The following SULF2 variants were observed in gnomAD, a reference collection of about 807,000 sequenced individuals.
The protein encoded by SULF2 is sulfatase 2.
A neutral mutation model predicts 107.7 loss-of-function variants in SULF2; 52 were observed. The ratio of observed to expected loss-of-function variants is 0.48; its 90% CI spans 0.39 to 0.61. The LOEUF (loss-of-function observed/expected upper bound fraction) is 0.61. Among genes scored for constraint, SULF2 ranks in the 20% least tolerant of loss-of-function variants. The probability of loss-of-function intolerance (pLI) is 0.00; values close to 1 mark genes in which losing one functional copy is unlikely to be tolerated. For synonymous variants in SULF2, 460 were observed against 464.3 expected, an observed-to-expected ratio of 0.99 and a Z score of 0.12; for missense variants, 993 against 1,177.3, an observed-to-expected ratio of 0.84 and a Z score of 2.29.
intron 5 of SULF2, chr20:47,689,918 AT>A: frequency 2.3e-6 from 1 of 428,566 alleles, no homozygotes; most frequent in African/African-American, 2.0e-5. Flanking sequence ...CAAGTTAAAA[AT>A]TCTCCTGCCT....
chr20:47,709,480 T>C (rs1275511204), intron 3 of SULF2, among the ~76,000 whole-genome samples: 1 of 152,166 alleles, frequency 6.6e-6, no homozygotes, highest in Non-Finnish European at 1.5e-5. Context: ...CAACACTTCC[T>C]TATTTAAGTT....
chr20:47,725,427 C>A (rs1283053739), intron 3 of SULF2, among the ~76,000 whole-genome samples: 2 of 152,198 alleles, frequency 1.3e-5, no homozygotes. Flanking sequence ...GTGGGGGCCA[C>A]GTGGACTCTG....
At chr20:47,674,065 T>A (rs1257798470) in intron 10 of SULF2, among the ~76,000 whole-genome samples, 1 of 152,256 alleles carries the variant, frequency 6.6e-6, no homozygotes, top group Admixed American at 6.5e-5. Flanking sequence ...TGTTTTTGTA[T>A]GGCCTGCAAA....
chr20:47,779,236 C>T (rs1250081191), intron 1 of SULF2, among the ~76,000 whole-genome samples: 1 of 152,218 alleles, frequency 6.6e-6, no homozygotes. Flanking sequence ...GGCCTCTACC[C>T]TCTAGATGCC....
intron 3 of SULF2, among the ~76,000 whole-genome samples, chr20:47,728,423 G>T (rs2146737838): frequency 6.6e-6 from 1 of 152,228 alleles, no homozygotes; most frequent in South Asian, 2.1e-4. Flanking sequence ...GAGGAGGAAA[G>T]GCTGAGATGG....
chr20:47,722,114 G>T (rs2089312469), intron 3 of SULF2, among the ~76,000 whole-genome samples: 1 of 152,220 alleles, frequency 6.6e-6, no homozygotes, highest in South Asian at 2.1e-4. Context: ...GGTTCTGACA[G>T]CGTTTGAGCA....
intron 10 of SULF2, among the ~76,000 whole-genome samples, chr20:47,673,358 C>T (rs945857401): frequency 1.3e-5 from 2 of 152,210 alleles, no homozygotes; most frequent in Admixed American, 1.3e-4. Flanking sequence ...CCTCACGCTA[C>T]CCTACGAGGC....
intron 1 of SULF2, among the ~76,000 whole-genome samples, chr20:47,781,476 T>C (rs1399373599): frequency 6.6e-6 from 1 of 152,146 alleles, no homozygotes; most frequent in Non-Finnish European, 1.5e-5. Flanking sequence ...AGTGACTGGT[T>C]TGGACAAAAA....
At chr20:47,736,190 A>G (rs2089725129) in intron 3 of SULF2, among the ~76,000 whole-genome samples, 1 of 152,130 alleles carries the variant, frequency 6.6e-6, no homozygotes, top group South Asian at 2.1e-4. Flanking sequence ...TCCACCCAGG[A>G]TGACACGGGT....
chr20:47,689,674 A>G (rs4083776), intron 5 of SULF2: 128,158 of 153,678 alleles, frequency 0.83, 53,578 homozygotes, highest in East Asian at 0.91. Context: ...CTGGTACACC[A>G]AGGGTCACTG....
intron 7 of SULF2, among the ~76,000 whole-genome samples, chr20:47,682,462 C>G (rs1013314362): frequency 6.6e-6 from 1 of 152,238 alleles, no homozygotes; most frequent in Non-Finnish European, 1.5e-5. Flanking sequence ...GCAGCATGTT[C>G]GCTGCCAGAA....
chr20:47,775,955 G>A (rs894978357), intron 1 of SULF2, among the ~76,000 whole-genome samples: 1 of 152,108 alleles, frequency 6.6e-6, no homozygotes, highest in Non-Finnish European at 1.5e-5. Context: ...GTCACAACGG[G>A]AGACAAACTC....
At chr20:47,780,563 T>A (rs1370816780) in intron 1 of SULF2, among the ~76,000 whole-genome samples, 5 of 151,802 alleles carry the variant, frequency 3.3e-5, no homozygotes, top group East Asian at 1.9e-4. Flanking sequence ...TTCTTTTAAA[T>A]TTTTTTTTGA....
At chr20:47,685,417 G>A (rs1288699828) in intron 5 of SULF2, 1 of 152,178 alleles carries the variant, frequency 6.6e-6, no homozygotes, top group African/African-American at 2.4e-5. Context: ...AGTAGAAATG[G>A]GGTTTCACCA....
At chr20:47,708,483 G>T (rs1327092718) in intron 3 of SULF2, among the ~76,000 whole-genome samples, 1 of 152,192 alleles carries the variant, frequency 6.6e-6, no homozygotes, top group Non-Finnish European at 1.5e-5. Flanking sequence ...TTGCATGCCA[G>T]ATTTTGCCTT....
At chr20:47,672,724 C>T (rs2087518905) in intron 10 of SULF2, among the ~76,000 whole-genome samples, 1 of 152,134 alleles carries the variant, frequency 6.6e-6, no homozygotes, top group South Asian at 2.1e-4. Context: ...CTACTTAAAA[C>T]CCTTCAATGG....
At chr20:47,771,792 G>A (rs2090635678) in intron 1 of SULF2, among the ~76,000 whole-genome samples, 1 of 152,186 alleles carries the variant, frequency 6.6e-6, no homozygotes, top group African/African-American at 2.4e-5. Context: ...AGCTTGGAAG[G>A]ATGCTCATCA....
chr20:47,746,982 T>A (rs28458389), intron 2 of SULF2, among the ~76,000 whole-genome samples: 14,947 of 120,622 alleles, frequency 0.12, 959 homozygotes, highest in South Asian at 0.21. Flanking sequence ...CTTAAATAAA[T>A]AAAAAAAAAA....
chr20:47,709,517 C>G (rs1473505287), intron 3 of SULF2, among the ~76,000 whole-genome samples: 1 of 152,150 alleles, frequency 6.6e-6, no homozygotes, highest in Non-Finnish European at 1.5e-5. Context: ...ACTGTTGACT[C>G]CAGGAATGTG....
Sources: gnomAD v4.1 joint callset for allele counts (sites outside exome capture counted in the v4.1 genomes callset) on GRCh38, gnomAD v4.1.1 for gene constraint, MANE v1.5 for transcripts, NCBI Gene and HGNC (gene_info 2026-07-23, HGNC 2026-07-21) for gene names.